VASP: variants seen among roughly 807,000 people sequenced by gnomAD.
VASP encodes the protein vasodilator-stimulated phosphoprotein.
Under a neutral mutation model 54.4 loss-of-function variants are expected in VASP, and 27 were observed. The ratio of observed to expected loss-of-function variants is 0.50; its 90% CI spans 0.37 to 0.68. The LOEUF is 0.68. Among genes scored for constraint, VASP ranks in the 30% least tolerant of loss-of-function variants. VASP has a pLI of 0.00. For synonymous variants in VASP, 233 were observed against 209.8 expected, an observed-to-expected ratio of 1.11 and a Z score of -0.96; for missense variants, 488 against 528.3, an observed-to-expected ratio of 0.92 and a Z score of 0.75.
rs7247633 is a variant in VASP, at chr19:45,521,655, G to A, written c.428+249G>A. On this transcript the variant is annotated intron_variant, in intron 4 of 12. Transcript: ENST00000245932. ...TGTAATCCCAGCACTCTGGGAGGCC[G>A]AGGCGGGCAGATCGCCTGAGGTCAG... Among the ~76,000 whole-genome samples, 1,415 of 152,328 alleles carry A rather than the reference G, an allele frequency of 9.3e-3. 11 individuals carry two copies. Among genetic ancestry groups the A allele is most frequent in the Non-Finnish European group, 0.015 (991 of 68,030 alleles).
At chr19:45,523,735 G>A (rs186343291) in intron 8 of VASP, 40 bp downstream of exon 8, 630 of 1,613,874 alleles carry the variant, frequency 3.9e-4, no homozygotes, top group Middle Eastern at 9.9e-4. Flanking sequence ...CTCTTAGGCC[G>A]TACCATGAGG....
Position 45,507,785 on chromosome 19 carries a change from G to C in VASP, c.5+9G>C, listed in dbSNP as rs1434388224. The C allele has an allele frequency of 1.4e-6, 2 of 1,468,676 alleles. No homozygotes were observed. Among genetic ancestry groups the C allele is most frequent in the East Asian group, 2.9e-5 (1 of 34,608 alleles). 91.0% of individuals were successfully genotyped at this position (1,468,676 alleles called of 1,614,324 possible). A position where few individuals can be genotyped will look rare whatever the true frequency, so the allele number is the denominator to read the frequency against. On this transcript the variant is annotated intron_variant, in intron 1 of 12. Transcript: ENST00000245932. This position sits in a 1 kb window ranked among gnomAD's most constrained non-coding sequence, Gnocchi z 4.4. ...CGCCGAGCAGCCATGAGGTGAGCCG[G>C]ACCTGCCCCCCGACCCGTCCCCGCC...
At position 45,507,915 on chromosome 19, in the gene VASP, T is replaced by C; in HGVS notation, c.5+139T>C. On this transcript the variant is annotated intron_variant, in intron 1 of 12. Transcript: ENST00000245932. This position sits in a 1 kb window ranked among gnomAD's most constrained non-coding sequence, Gnocchi z 4.4. ...AGCCTCGGATTTGAGCTGAATCCCCTTGGACGCGCCCCAGAACCGTCGATC... is the reference window on the plus strand; with the variant it reads ...AGCCTCGGATTTGAGCTGAATCCCCCTGGACGCGCCCCAGAACCGTCGATC... 1.9e-6 allele frequency: 1 copy of C among 529,476 alleles called. No individual in the cohort carries two copies. The highest frequency in any genetic ancestry group is 3.2e-6 in the Non-Finnish European group (1 of 315,732). The allele number at this position is 529,476 out of a possible 1,614,324, so 32.8% of individuals were successfully genotyped here.
chr19:45,524,632 A>G lies in VASP; in HGVS notation c.1019A>G (p.Asp340Gly). ...ETQPCTPSSSDYSDLQRVKQE... is the reference protein window; with the variant it reads ...ETQPCTPSSSGYSDLQRVKQE... Reference sequence around the variant, plus strand: ...CAACCCTGCACGCCCAGCTCCAGTGATTACTCGGACCTACAGAGGGTGAAA... The same window carrying G: ...CAACCCTGCACGCCCAGCTCCAGTGGTTACTCGGACCTACAGAGGGTGAAA... Residue 340 changes from aspartate to glycine, a missense_variant, in exon 11 of 13, where the codon GAT becomes GGT. Around this residue, in one of 4 missense-constraint regions of VASP, gnomAD observed 126 missense variants for 134.8 expected, o/e 0.94. Transcript: ENST00000245932. 6.2e-7 allele frequency: 1 copy of G among 1,613,814 alleles called. No homozygotes were observed.
At chr19:45,520,064 T>A (rs1968798759) in intron 3 of VASP, among the ~76,000 whole-genome samples, 1 of 151,450 alleles carries the variant, frequency 6.6e-6, no homozygotes, top group Non-Finnish European at 1.5e-5. Context: ...AACATGCCTG[T>A]CTAATTTTTG....
intron 1 of VASP, among the ~76,000 whole-genome samples, chr19:45,516,369 G>A (rs1019326683): frequency 2.6e-5 from 4 of 152,246 alleles, no homozygotes; most frequent in African/African-American, 7.2e-5. Flanking sequence ...AGTCCCTTTG[G>A]AGGAAGAGCT....
At chr19:45,525,601 G>A (rs112360741) in intron 11 of VASP, among the ~76,000 whole-genome samples, 2 of 152,278 alleles carry the variant, frequency 1.3e-5, no homozygotes, top group Admixed American at 6.5e-5. Flanking sequence ...GGGCGGCTGA[G>A]GCAGGAGAAT....
chr19:45,513,622 C>T (rs1304246643), intron 1 of VASP, among the ~76,000 whole-genome samples: 1 of 152,120 alleles, frequency 6.6e-6, no homozygotes, highest in African/African-American at 2.4e-5. Context: ...CATGAGCCAC[C>T]ATGCCTGGCT....
intron 1 of VASP, among the ~76,000 whole-genome samples, chr19:45,515,754 TCTC>T (rs1968689154): frequency 6.6e-6 from 1 of 152,052 alleles, no homozygotes; most frequent in Non-Finnish European, 1.5e-5. Flanking sequence ...CCCAGGCTGG[TCTC>T]GAACACCTGA....
intron 1 of VASP, among the ~76,000 whole-genome samples, chr19:45,508,600 G>C (rs1968538325): frequency 6.6e-6 from 1 of 152,108 alleles, no homozygotes; most frequent in Non-Finnish European, 1.5e-5. Flanking sequence ...CTCACCTGTC[G>C]AGACAGCTGG....
Position 45,526,150 on chromosome 19 carries a change from G to A in VASP, c.1116G>A (p.Gln372=). The part of the protein sequence containing the change: ...VKEEIIEAFV[Q]ELRKRGSP ...CTTGTTTCCTTCCAGCCTTCGTCCA[G>A]GAGCTGAGGAAGCGGGGTTCTCCCT... The change falls in exon 13 of 13, where the codon CAG becomes CAA. Residue 372 remains glutamine (Q), a synonymous_variant. Transcript: ENST00000245932. The A allele has an allele frequency of 6.2e-7, 1 of 1,613,708 alleles. No individual in the cohort carries two copies. The highest frequency in any genetic ancestry group is 1.1e-5 in the South Asian group (1 of 91,054).
chr19:45,524,502 A>T, intron 10 of VASP, 68 bp from the exon 11 acceptor site: 1 of 1,477,220 alleles, frequency 6.8e-7, no homozygotes, highest in Non-Finnish European at 9.5e-7. Context: ...GACCCCTGGA[A>T]TAGGAGGCGG....
chr19:45,515,554 T>C (rs1968684682), intron 1 of VASP, among the ~76,000 whole-genome samples: 1 of 152,114 alleles, frequency 6.6e-6, no homozygotes. Flanking sequence ...TTCTTTTTTT[T>C]GAAACAGAGT....
rs769488384 is a variant in VASP, at chr19:45,522,218, G to C, written c.478+1G>C. 1.2e-6 allele frequency: 2 copies of C among 1,614,238 alleles called. No individual in the cohort carries two copies. The highest frequency in any genetic ancestry group is 2.2e-5 in the South Asian group (2 of 91,086). ...ATAGAGCGCCGGGTCTCCAATGCAG[G>C]TGATGCTCAGATAGCTTCGGGAGTT... is the stretch of plus-strand genomic sequence containing the variant. On this transcript the variant is annotated splice_donor_variant, in intron 5 of 12. Transcript: ENST00000245932. LOFTEE classifies it high-confidence loss of function.
chr19:45,526,325 G>T lies in VASP; in HGVS notation c.*148G>T. Reference sequence around the variant, plus strand: ...CCATCCCACTTGGAAAACTCCAAGGGGGTGTGGCTTCCCTGCTCACACCCA... The same window carrying T: ...CCATCCCACTTGGAAAACTCCAAGGTGGTGTGGCTTCCCTGCTCACACCCA... On this transcript the variant is annotated 3_prime_UTR_variant, in exon 13 of 13. Coordinates refer to ENST00000245932, the MANE Select transcript of VASP (RefSeq NM_003370.4). The T allele has an allele frequency of 9.9e-7, 1 of 1,009,690 alleles. No individual in the cohort carries two copies. Among genetic ancestry groups the T allele is most frequent in the Non-Finnish European group, 1.4e-6 (1 of 721,588 alleles). 62.5% of individuals were successfully genotyped at this position (1,009,690 alleles called of 1,614,324 possible).
At chr19:45,522,894 C>A in intron 7 of VASP, 76 bp downstream of exon 7, 2 of 1,404,046 alleles carry the variant, frequency 1.4e-6, no homozygotes, top group South Asian at 1.3e-5. Context: ...GGCTCCAATT[C>A]CTGTTTAGTT....
Position 45,507,783 on chromosome 19 carries a change from C to A in VASP, c.5+7C>A. 6.8e-7 allele frequency: 1 copy of A among 1,469,730 alleles called. No individual in the cohort carries two copies. Among genetic ancestry groups the A allele is most frequent in the South Asian group, 1.3e-5 (1 of 76,792 alleles). 91.0% of individuals were successfully genotyped at this position (1,469,730 alleles called of 1,614,324 possible). ...CCCGCCGAGCAGCCATGAGGTGAGC[C>A]GGACCTGCCCCCCGACCCGTCCCCG... On this transcript the variant is annotated splice_region_variant and intron_variant, in intron 1 of 12. Transcript: ENST00000245932. The surrounding 1 kb of genome is among the most constrained non-coding windows in gnomAD (Gnocchi z 4.4).
chr19:45,514,440 T>C (rs1968661214), intron 1 of VASP, among the ~76,000 whole-genome samples: 1 of 151,980 alleles, frequency 6.6e-6, no homozygotes. Context: ...AGGCTGGTCT[T>C]GAACTTCTGG....
At chr19:45,517,898 C>T (rs764005763) in intron 2 of VASP, 31 bp from the exon 3 acceptor site, 16 of 1,591,494 alleles carry the variant, frequency 1.0e-5, no homozygotes, top group South Asian at 6.8e-5. Flanking sequence ...CTGCGCCCGC[C>T]GCCCCTCACC....
Sources: gnomAD v4.1 joint callset for allele counts (sites outside exome capture counted in the v4.1 genomes callset) on GRCh38, gnomAD v4.1.1 for gene constraint, gnomAD v4.1.1 regional missense constraint, Gnocchi (gnomAD v3.1) non-coding constraint, MANE v1.5 for transcripts, NCBI Gene and HGNC (gene_info 2026-07-23, HGNC 2026-07-21) for gene names.